The following ASIC2 variants were observed in gnomAD, a reference collection of about 807,000 sequenced individuals.
The protein encoded by ASIC2 is acid sensing ion channel subunit 2.
Under a neutral mutation model 57.3 loss-of-function variants are expected in ASIC2, and 25 were observed. That is an observed-to-expected ratio of 0.44 (90% CI 0.32 to 0.61). The LOEUF is 0.61. Ranked by LOEUF, ASIC2 falls within the 20% of genes least tolerant of loss-of-function variation. ASIC2 has a pLI of 0.06. For synonymous variants in ASIC2, 319 were observed against 307.5 expected, an observed-to-expected ratio of 1.04 and a Z score of -0.39; for missense variants, 641 against 738.1, an observed-to-expected ratio of 0.87 and a Z score of 1.52.
intron 1 of ASIC2, among the ~76,000 whole-genome samples, chr17:34,098,129 C>T (rs1469879943): frequency 6.6e-6 from 1 of 152,072 alleles, no homozygotes; most frequent in Non-Finnish European, 1.5e-5. Flanking sequence ...GACATGGTTG[C>T]CCCTGAGGAA....
intron 1 of ASIC2, among the ~76,000 whole-genome samples, chr17:33,991,545 C>T (rs1296299963): frequency 1.3e-5 from 2 of 152,226 alleles, no homozygotes; most frequent in African/African-American, 2.4e-5. Flanking sequence ...CATCCTTGAT[C>T]ATATCACGTA....
chr17:34,075,790 C>T (rs1425144244), intron 1 of ASIC2, among the ~76,000 whole-genome samples: 2 of 150,744 alleles, frequency 1.3e-5, no homozygotes, highest in East Asian at 3.9e-4. Context: ...TTCCTCCAGA[C>T]ATCCTCACCT....
intron 1 of ASIC2, among the ~76,000 whole-genome samples, chr17:33,415,114 G>A (rs1910797041): frequency 6.6e-6 from 1 of 152,176 alleles, no homozygotes; most frequent in African/African-American, 2.4e-5. Flanking sequence ...GATTGACTCT[G>A]TGACTTTAGG....
intron 2 of ASIC2, among the ~76,000 whole-genome samples, chr17:33,094,614 G>A (rs2092170707): frequency 6.6e-6 from 1 of 152,144 alleles, no homozygotes; most frequent in Admixed American, 6.5e-5. Flanking sequence ...TCCCCTCTGT[G>A]GTACCACAAA....
chr17:33,805,009 T>A (rs1228762011), intron 1 of ASIC2, among the ~76,000 whole-genome samples: 1 of 152,134 alleles, frequency 6.6e-6, no homozygotes, highest in Non-Finnish European at 1.5e-5. Context: ...TCCCTGCTCA[T>A]CCCTAGCTAA....
At chr17:33,447,134 G>A (rs143658612) in intron 1 of ASIC2, among the ~76,000 whole-genome samples, 12 of 152,302 alleles carry the variant, frequency 7.9e-5, no homozygotes, top group Admixed American at 7.2e-4. Flanking sequence ...GCCTGCCTTC[G>A]TGAGTTTAGG....
chr17:33,159,637 C>T (rs553946573), intron 1 of ASIC2, among the ~76,000 whole-genome samples: 2 of 152,156 alleles, frequency 1.3e-5, no homozygotes, highest in African/African-American at 2.4e-5. Flanking sequence ...TGGGTCCTAA[C>T]GAAAGTGCCT....
chr17:33,567,856 ATT>A (rs532971482), intron 1 of ASIC2, among the ~76,000 whole-genome samples: 1 of 148,480 alleles, frequency 6.7e-6, no homozygotes, highest in African/African-American at 2.5e-5. Context: ...GATTCCATGC[ATT>A]TTTTTTTTGG....
intron 1 of ASIC2, among the ~76,000 whole-genome samples, chr17:33,176,608 G>A (rs1373281015): frequency 3.3e-5 from 5 of 152,218 alleles, no homozygotes; most frequent in African/African-American, 1.2e-4. Context: ...GCCTCCCAAA[G>A]TGCAGGGATT....
intron 1 of ASIC2, among the ~76,000 whole-genome samples, chr17:34,020,101 T>C (rs1262040874): frequency 6.6e-6 from 1 of 152,180 alleles, no homozygotes; most frequent in Non-Finnish European, 1.5e-5. Flanking sequence ...CTTGATATTT[T>C]TTGCAAAAAA....
chr17:33,882,428 A>G (rs1914724543), intron 1 of ASIC2, among the ~76,000 whole-genome samples: 4 of 152,044 alleles, frequency 2.6e-5, no homozygotes, highest in Admixed American at 2.6e-4. Flanking sequence ...AAAACAAACA[A>G]CCCCATCAAA....
intron 1 of ASIC2, among the ~76,000 whole-genome samples, chr17:34,135,914 G>A (rs1057235259): frequency 1.3e-5 from 2 of 152,056 alleles, no homozygotes; most frequent in Non-Finnish European, 2.9e-5. Flanking sequence ...TCATGTCATT[G>A]AGAATGCTCA....
At chr17:34,131,918 G>A (rs1309150701) in intron 1 of ASIC2, among the ~76,000 whole-genome samples, 1 of 152,172 alleles carries the variant, frequency 6.6e-6, no homozygotes, top group East Asian at 1.9e-4. Context: ...CTTCTCTGAG[G>A]GACATTTAGG....
intron 1 of ASIC2, among the ~76,000 whole-genome samples, chr17:33,517,659 A>G (rs1461549125): frequency 7.4e-6 from 1 of 135,152 alleles, no homozygotes; most frequent in Non-Finnish European, 1.6e-5. Flanking sequence ...TTTAAAATGC[A>G]TAATACAGGA....
chr17:34,014,676 G>A (rs1380808826), intron 1 of ASIC2, among the ~76,000 whole-genome samples: 1 of 152,150 alleles, frequency 6.6e-6, no homozygotes, highest in Non-Finnish European at 1.5e-5. Flanking sequence ...TGCCAATCTG[G>A]TCCAGACCTT....
intron 1 of ASIC2, among the ~76,000 whole-genome samples, chr17:34,043,882 T>G (rs1050861671): frequency 6.6e-6 from 1 of 152,114 alleles, no homozygotes. Context: ...ATTCCCTGCC[T>G]TCAGCTGCAG....
intron 1 of ASIC2, among the ~76,000 whole-genome samples, chr17:33,529,377 G>A (rs1379428622): frequency 6.6e-6 from 1 of 152,114 alleles, no homozygotes; most frequent in Non-Finnish European, 1.5e-5. Context: ...ACCAAGGATG[G>A]TACAGAGCGC....
intron 1 of ASIC2, among the ~76,000 whole-genome samples, chr17:33,665,652 A>G (rs1318347433): frequency 6.6e-6 from 1 of 152,224 alleles, no homozygotes; most frequent in Non-Finnish European, 1.5e-5. Flanking sequence ...TCTCTTCCCA[A>G]TCCACATTGG....
chr17:33,649,922 A>T (rs946457580), intron 1 of ASIC2, among the ~76,000 whole-genome samples: 1 of 152,230 alleles, frequency 6.6e-6, no homozygotes, highest in Non-Finnish European at 1.5e-5. Flanking sequence ...ACGTAGAAAA[A>T]ATATAGATAA....
Sources: allele counts gnomAD v4.1 joint callset (sites outside exome capture counted in the v4.1 genomes callset), GRCh38; gene constraint gnomAD v4.1.1; transcripts MANE v1.5; gene names NCBI Gene and HGNC (gene_info 2026-07-23, HGNC 2026-07-21).